DOCK3: variants seen among roughly 807,000 people sequenced by gnomAD.
DOCK3 encodes dedicator of cytokinesis 3, also known as dedicator of cytokinesis protein 3.
Under a neutral mutation model 265.6 loss-of-function variants are expected in DOCK3, and 60 were observed. That is an observed-to-expected ratio of 0.23 (90% CI 0.18 to 0.28). DOCK3 has a LOEUF of 0.28. Among genes scored for constraint, DOCK3 ranks in the 10% least tolerant of loss-of-function variants. The pLI, the probability that DOCK3 is intolerant of heterozygous loss-of-function variation, is 1.00. For synonymous variants in DOCK3, 881 were observed against 938.0 expected (o/e 0.94, Z 1.11); for missense variants, 1,981 against 2,594.3 (o/e 0.76, Z 5.14).
At chr3:51,322,654 A>C (rs1413780349) in intron 32 of DOCK3, among the ~76,000 whole-genome samples, 1 of 152,216 alleles carries the variant, frequency 6.6e-6, no homozygotes, top group Non-Finnish European at 1.5e-5. Context: ...TGAAGGAAGC[A>C]CTAAATATGG....
At chr3:51,034,309 T>C (rs1346949712) in intron 5 of DOCK3, among the ~76,000 whole-genome samples, 1 of 152,086 alleles carries the variant, frequency 6.6e-6, no homozygotes, top group Non-Finnish European at 1.5e-5. Context: ...TATGTTTTTT[T>C]CCCTTTTGCA....
chr3:50,844,563 T>C (rs1531270), intron 3 of DOCK3, among the ~76,000 whole-genome samples: 10,384 of 152,210 alleles, frequency 0.068, 589 homozygotes, highest in East Asian at 0.24. Flanking sequence ...GTTCTTCCTA[T>C]AAAAGTTTTT....
chr3:51,124,659 G>A (rs932025577), intron 9 of DOCK3, among the ~76,000 whole-genome samples: 25 of 152,144 alleles, frequency 1.6e-4, no homozygotes, highest in Non-Finnish European at 3.5e-4. Flanking sequence ...TTAGAGAGAT[G>A]TAGCTATTTT....
chr3:50,971,699 ACTTT>A (rs1309220765), intron 5 of DOCK3, among the ~76,000 whole-genome samples: 3 of 149,800 alleles, frequency 2.0e-5, no homozygotes, highest in African/African-American at 7.3e-5. Context: ...CAGATAAAGG[ACTTT>A]ATTTACCAGA....
chr3:51,249,579 C>T (rs1405549833), intron 22 of DOCK3, among the ~76,000 whole-genome samples: 3 of 121,208 alleles, frequency 2.5e-5, no homozygotes, highest in East Asian at 2.6e-4. Flanking sequence ...CCCGGCCAGC[C>T]GCCCAGTCCG....
chr3:50,851,540 C>G (rs1374953496), intron 3 of DOCK3, among the ~76,000 whole-genome samples: 1 of 152,094 alleles, frequency 6.6e-6, no homozygotes, highest in East Asian at 1.9e-4. Context: ...AAGCGGATGC[C>G]CCATATGCCT....
At chr3:51,193,166 T>A (rs11130282) in intron 12 of DOCK3, among the ~76,000 whole-genome samples, 1 of 152,144 alleles carries the variant, frequency 6.6e-6, no homozygotes, top group African/African-American at 2.4e-5. Context: ...TACATTTGTC[T>A]AGATAATAAT....
In DOCK3 at chr3:51,357,976, G is replaced by A. The variant is rs1313874858; in HGVS notation, c.4783G>A (p.Val1595Ile). ...ACTCTGATAGGTTCATGTCCTTGGA[G>A]TTGGGCTAGCAGTTCATGAGAAGTT... ...LMQEQVHVLG[V>I]GLAVHEKFVH... Residue 1595 changes from valine to isoleucine, a missense_variant, in exon 46 of 53, where the codon GTT (valine) becomes ATT (isoleucine). Transcript: ENST00000266037. The A allele has an allele frequency of 6.8e-6, 11 of 1,614,030 alleles. No individual in the cohort carries two copies. Among genetic ancestry groups the A allele is most frequent in the Non-Finnish European group, 8.5e-6 (10 of 1,179,892 alleles).
chr3:51,321,356 C>T (rs1473867222), intron 32 of DOCK3, among the ~76,000 whole-genome samples: 2 of 152,102 alleles, frequency 1.3e-5, no homozygotes, highest in African/African-American at 4.8e-5. Context: ...GTAGATAAAT[C>T]CACGAAGATG....
intron 12 of DOCK3, among the ~76,000 whole-genome samples, chr3:51,162,268 T>C (rs937411612): frequency 4.6e-5 from 7 of 152,242 alleles, no homozygotes; most frequent in Non-Finnish European, 7.3e-5. Context: ...TGAAATAAGC[T>C]TAATTCACAA....
intron 27 of DOCK3, among the ~76,000 whole-genome samples, chr3:51,296,281 G>C (rs374425183): frequency 1.3e-5 from 2 of 152,126 alleles, no homozygotes; most frequent in African/African-American, 4.8e-5. Flanking sequence ...GAGATTGACA[G>C]TCTGAGCCTT....
intron 27 of DOCK3, among the ~76,000 whole-genome samples, chr3:51,291,031 C>A (rs1375697712): frequency 6.6e-6 from 1 of 152,124 alleles, no homozygotes; most frequent in Non-Finnish European, 1.5e-5. Flanking sequence ...AAGCCAAGAT[C>A]GTGCCACTGC....
At chr3:50,890,140 G>A (rs2048572340) in intron 4 of DOCK3, 59 bp downstream of exon 4, 2 of 1,320,794 alleles carry the variant, frequency 1.5e-6, no homozygotes, top group Admixed American at 3.7e-5. Context: ...GAGGAAGATT[G>A]TTTTTCCTTT....
chr3:51,200,713 A>G (rs2088687310), intron 12 of DOCK3, among the ~76,000 whole-genome samples: 1 of 151,914 alleles, frequency 6.6e-6, no homozygotes, highest in Non-Finnish European at 1.5e-5. Flanking sequence ...ACTCCAAGAC[A>G]CATAATTGTC....
chr3:50,760,990 C>T (rs2108387477), intron 1 of DOCK3, among the ~76,000 whole-genome samples: 1 of 152,002 alleles, frequency 6.6e-6, no homozygotes, highest in Middle Eastern at 3.4e-3. Context: ...ACCGTGTTAG[C>T]CAGGATGGTC....
intron 33 of DOCK3, among the ~76,000 whole-genome samples, chr3:51,331,937 G>T (rs2084547190): frequency 6.6e-6 from 1 of 152,322 alleles, no homozygotes; most frequent in South Asian, 2.1e-4. Flanking sequence ...TTTGAAAAAT[G>T]CTGGTACATT....
rs144966190 is a variant in DOCK3 at position 51,092,403 on chromosome 3, A to G, written c.746+2019A>G. Among the ~76,000 whole-genome samples the G allele has an allele frequency of 1.5e-3, 235 of 152,252 alleles. 2 individuals carry two copies. Among genetic ancestry groups the G allele is most frequent in the African/African-American group, 5.3e-3 (222 of 41,558 alleles). ...CACGGTGTAAACAAAGCCGCTGGGAAGTTTGAACTGGGCGGAGCCCACTGC... is the reference window on the plus strand; with the variant it reads ...CACGGTGTAAACAAAGCCGCTGGGAGGTTTGAACTGGGCGGAGCCCACTGC... On this transcript the variant is annotated intron_variant, in intron 9 of 52. Coordinates refer to ENST00000266037, the MANE Select transcript of DOCK3 (RefSeq NM_004947.5).
At position 51,143,272 on chromosome 3, in the gene DOCK3, ATGTG is replaced by A. The variant is rs34536534; in HGVS notation, c.747-3262_747-3259del. 8.2e-5 allele frequency among the ~76,000 whole-genome samples: 12 copies of A among 146,070 alleles called. No homozygotes were observed. In the South Asian group the frequency reaches 8.8e-4, roughly 11 times the overall value. ...TTTTTGTTTTCTGTTTTTTTTTTTT[ATGTG>A]TGTGTGTGTGTGTGATGGAGTTTTG... On this transcript the variant is annotated intron_variant, in intron 9 of 52. Transcript: ENST00000266037.
intron 23 of DOCK3, among the ~76,000 whole-genome samples, chr3:51,266,241 T>C (rs2080157883): frequency 6.6e-6 from 1 of 152,074 alleles, no homozygotes. Flanking sequence ...ATCGTGAAAA[T>C]GGCCATACTG....
Sources: gnomAD v4.1 joint callset for allele counts (sites outside exome capture counted in the v4.1 genomes callset) on GRCh38, gnomAD v4.1.1 for gene constraint, MANE v1.5 for transcripts, NCBI Gene and HGNC (gene_info 2026-07-23, HGNC 2026-07-21) for gene names.